CSMD1: variants seen among roughly 807,000 people sequenced by gnomAD.
CSMD1 encodes CUB and sushi domain-containing protein 1.
A neutral mutation model predicts 417.5 loss-of-function variants in CSMD1; 213 were observed. The observed-to-expected ratio is 0.51, with a 90% CI of 0.46 to 0.57. The LOEUF (loss-of-function observed/expected upper bound fraction) is 0.57, where lower values mean the gene tolerates loss of function less well. CSMD1 is among the 20% of genes least tolerant of loss of function. The probability of loss-of-function intolerance (pLI) is 0.00; values close to 1 mark genes in which losing one functional copy is unlikely to be tolerated. For missense variants in CSMD1, 6,923 were observed against 4,529.7 expected (o/e 1.53, Z -15.17); for synonymous variants, 2,862 against 1,736.8 (o/e 1.65, Z -16.11).
chr8:3,306,095 G>T (rs559169510), intron 25 of CSMD1, among the ~76,000 whole-genome samples: 1 of 152,162 alleles, frequency 6.6e-6, no homozygotes, highest in African/African-American at 2.4e-5. Flanking sequence ...CCTTTCTCAT[G>T]TAGGGTGTAT....
At chr8:3,162,024 A>G (rs930169910) in intron 38 of CSMD1, 135 bp downstream of exon 38, 20 of 605,478 alleles carry the variant, frequency 3.3e-5, no homozygotes, top group Admixed American at 1.6e-4. Flanking sequence ...ACCAACATGC[A>G]TGATTTAATA....
chr8:3,579,835 G>A (rs1353586224), intron 9 of CSMD1, among the ~76,000 whole-genome samples: 2 of 152,174 alleles, frequency 1.3e-5, no homozygotes, highest in South Asian at 4.1e-4. Context: ...CCAGTGTGGT[G>A]GCTCACGCCT....
chr8:3,094,096 TA>T (rs1815136964), intron 47 of CSMD1, among the ~76,000 whole-genome samples: 2 of 151,820 alleles, frequency 1.3e-5, no homozygotes, highest in Admixed American at 6.6e-5. Context: ...TTTTTTATTT[TA>T]TTTTATTTTT....
intron 1 of CSMD1, among the ~76,000 whole-genome samples, chr8:4,905,819 CAAAAA>C (rs147276107): frequency 3.8e-4 from 36 of 94,332 alleles, no homozygotes; most frequent in East Asian, 1.5e-3. Context: ...GACTCCATCT[CAAAAA>C]AAAAAAAAAA....
rs563887322 is a variant in CSMD1 at position 3,896,052 on chromosome 8, T to G, written c.818+101851A>C. ...AAAGGAAGAAATGACTGCGGAGCGC[T>G]GGACTCATGTAGCTGCTGATTTCCA... On this transcript the variant is annotated intron_variant, in intron 5 of 69. Transcript: ENST00000635120. 5.9e-5 allele frequency among the ~76,000 whole-genome samples: 9 copies of G among 152,352 alleles called. No homozygotes were observed. The East Asian group carries it at 1.7e-3, about 29-fold the overall frequency.
intron 4 of CSMD1, among the ~76,000 whole-genome samples, chr8:4,022,474 C>G (rs1295434096): frequency 1.3e-5 from 2 of 152,124 alleles, no homozygotes; most frequent in Non-Finnish European, 2.9e-5. Context: ...CAGCCTTGCT[C>G]AGGTTTAAAG....
At chr8:4,005,057 T>C (rs1223442765) in intron 4 of CSMD1, among the ~76,000 whole-genome samples, 1 of 152,168 alleles carries the variant, frequency 6.6e-6, no homozygotes, top group Non-Finnish European at 1.5e-5. Flanking sequence ...AAACATCCTA[T>C]GTTCTCACTG....
chr8:4,317,499 C>T (rs968442322), intron 3 of CSMD1, among the ~76,000 whole-genome samples: 8 of 152,064 alleles, frequency 5.3e-5, no homozygotes, highest in Non-Finnish European at 1.2e-4. Flanking sequence ...AATCACTATG[C>T]CTGCTAAGGT....
intron 3 of CSMD1, among the ~76,000 whole-genome samples, chr8:4,399,904 A>T (rs753160112): frequency 6.6e-6 from 1 of 152,318 alleles, no homozygotes; most frequent in Non-Finnish European, 1.5e-5. Flanking sequence ...TTAAGCTCTC[A>T]TGAGAAGTAA....
At chr8:3,267,645 A>AG (rs1449706029) in intron 26 of CSMD1, among the ~76,000 whole-genome samples, 1 of 152,224 alleles carries the variant, frequency 6.6e-6, no homozygotes, top group Non-Finnish European at 1.5e-5. Context: ...AAAAGCAAAG[A>AG]GCCAACATAC....
intron 7 of CSMD1, among the ~76,000 whole-genome samples, chr8:3,650,105 C>A (rs1035972042): frequency 6.6e-6 from 1 of 152,012 alleles, no homozygotes; most frequent in East Asian, 1.9e-4. Flanking sequence ...ATGGTGAAAC[C>A]TTGTCTCTAC....
chr8:3,735,624 G>C (rs1796489239), intron 6 of CSMD1, among the ~76,000 whole-genome samples: 1 of 152,148 alleles, frequency 6.6e-6, no homozygotes, highest in Admixed American at 6.5e-5. Context: ...CCACAGGTAA[G>C]TCTGAATCTC....
At chr8:4,653,410 T>C (rs12114376) in intron 1 of CSMD1, among the ~76,000 whole-genome samples, 3,976 of 152,196 alleles carry the variant, frequency 0.026, 193 homozygotes, top group African/African-American at 0.091. Flanking sequence ...ATTCTGGTAA[T>C]TGTTTAATTC....
At chr8:3,293,115 G>C (rs1803701893) in intron 25 of CSMD1, among the ~76,000 whole-genome samples, 1 of 148,636 alleles carries the variant, frequency 6.7e-6, no homozygotes, top group Non-Finnish European at 1.5e-5. Flanking sequence ...TGAAATTCTG[G>C]GTTGAAAATT....
intron 3 of CSMD1, among the ~76,000 whole-genome samples, chr8:4,113,606 G>C (rs1369660966): frequency 2.0e-5 from 3 of 152,024 alleles, no homozygotes; most frequent in Non-Finnish European, 2.9e-5. Context: ...GAGTTTCACT[G>C]TGTTAGCCAG....
intron 7 of CSMD1, among the ~76,000 whole-genome samples, chr8:3,626,552 T>C (rs1469648614): frequency 6.6e-6 from 1 of 151,762 alleles, no homozygotes; most frequent in Non-Finnish European, 1.5e-5. Context: ...ATATAATAAT[T>C]AAATCTTCAA....
At chr8:4,961,356 G>A (rs1194024636) in intron 1 of CSMD1, among the ~76,000 whole-genome samples, 1 of 151,772 alleles carries the variant, frequency 6.6e-6, no homozygotes, top group East Asian at 1.9e-4. Context: ...CTTTCAACCT[G>A]ACCTGATTGC....
intron 1 of CSMD1, among the ~76,000 whole-genome samples, chr8:4,960,087 T>A (rs1427598966): frequency 6.6e-6 from 1 of 152,132 alleles, no homozygotes; most frequent in Non-Finnish European, 1.5e-5. Flanking sequence ...TCTAAAAAAA[T>A]TGCCAAATAA....
Position 2,945,397 on chromosome 8 carries a change from T to C in CSMD1, c.10403-2793A>G, listed in dbSNP as rs149800291. 4.5e-4 allele frequency among the ~76,000 whole-genome samples: 69 copies of C among 152,346 alleles called. No homozygotes were observed. The East Asian group carries it at 0.011, about 25-fold the overall frequency. On this transcript the variant is annotated intron_variant, in intron 68 of 69. Transcript: ENST00000635120. Reference sequence around the variant, plus strand: ...TGTGTAGTATTCTACTGATTAGATATAACAGCATTTATTTAGCCAGTCTAC... The same window carrying C: ...TGTGTAGTATTCTACTGATTAGATACAACAGCATTTATTTAGCCAGTCTAC...
Sources: allele counts gnomAD v4.1 joint callset (sites outside exome capture counted in the v4.1 genomes callset), GRCh38; gene constraint gnomAD v4.1.1; transcripts MANE v1.5; gene names NCBI Gene and HGNC (gene_info 2026-07-23, HGNC 2026-07-21).